MAP6: variants seen among roughly 807,000 people sequenced by gnomAD.
MAP6 encodes the protein microtubule-associated protein 6.
A neutral mutation model predicts 42.4 loss-of-function variants in MAP6; 26 were observed. The ratio of observed to expected loss-of-function variants is 0.61; its 90% CI spans 0.45 to 0.85. MAP6 has a LOEUF of 0.85. Ranked by LOEUF, MAP6 falls within the 40% of genes least tolerant of loss-of-function variation. MAP6 has a pLI of 0.00. For synonymous variants in MAP6, 418 were observed against 443.8 expected (o/e 0.94, Z 0.73); for missense variants, 966 against 1,099.0 (o/e 0.88, Z 1.71).
intron 1 of MAP6, among the ~76,000 whole-genome samples, chr11:75,623,092 T>C (rs1307093343): frequency 6.6e-6 from 1 of 152,100 alleles, no homozygotes. Context: ...AAGATGGAAA[T>C]AGCTTAAATG....
intron 3 of MAP6, chr11:75,597,378 A>G (rs1942598560): frequency 6.6e-6 from 1 of 152,346 alleles, no homozygotes; most frequent in Non-Finnish European, 1.5e-5. Context: ...AATGTTAAAT[A>G]CTTTTTCTAG....
intron 1 of MAP6, among the ~76,000 whole-genome samples, chr11:75,647,363 A>C: frequency 6.6e-6 from 1 of 150,602 alleles, no homozygotes; most frequent in African/African-American, 2.4e-5. Flanking sequence ...AAAAAAAAAA[A>C]AAAACCCACA....
chr11:75,588,043 A>T lies in MAP6; in HGVS notation c.1458T>A (p.Gly486=). The T allele has an allele frequency of 1.2e-6, 2 of 1,613,954 alleles. No individual in the cohort carries two copies. The highest frequency in any genetic ancestry group is 3.3e-5 in the Admixed American group (2 of 60,004). The change falls in exon 4 of 4, where the codon GGT becomes GGA. Residue 486 remains glycine, a synonymous_variant. Coordinates refer to ENST00000304771, the MANE Select transcript of MAP6 (RefSeq NM_033063.2). ...PMVQEPLKKQ[G]SVVPGPPKDL... ...CCTTTGGAGGCCCTGGGACCACAGA[A>T]CCTTGCTTCTTCAGAGGCTCTTGCA...
At chr11:75,662,658 T>C (rs1286436131) in intron 1 of MAP6, among the ~76,000 whole-genome samples, 1 of 152,238 alleles carries the variant, frequency 6.6e-6, no homozygotes, top group Non-Finnish European at 1.5e-5. Context: ...GATTCTTTTG[T>C]GTACTAAATT....
intron 3 of MAP6, chr11:75,604,416 T>A: frequency 1.0e-6 from 1 of 985,230 alleles, no homozygotes; most frequent in Non-Finnish European, 1.2e-6. Context: ...CCCCTTTCAT[T>A]GTAAAAGAAG....
intron 1 of MAP6, among the ~76,000 whole-genome samples, chr11:75,619,294 C>T (rs1395251531): frequency 1.3e-5 from 2 of 152,092 alleles, no homozygotes; most frequent in East Asian, 3.8e-4. Context: ...CCTGAATAAA[C>T]CTATATCAGG....
At chr11:75,642,596 G>C (rs1469112397) in intron 1 of MAP6, 2 of 176,214 alleles carry the variant, frequency 1.1e-5, no homozygotes, top group African/African-American at 4.6e-5. Flanking sequence ...ACAGAAGCAA[G>C]ACAATGAAGA....
Position 75,667,972 on chromosome 11 carries a change from G to A in MAP6, c.398C>T (p.Pro133Leu). The A allele has an allele frequency of 2.3e-6, 3 of 1,322,568 alleles. No individual in the cohort carries two copies. Among genetic ancestry groups the A allele is most frequent in the Non-Finnish European group, 2.9e-6 (3 of 1,030,848 alleles). 81.9% of individuals were successfully genotyped at this position (1,322,568 alleles called of 1,614,324 possible). The change falls in exon 1 of 4, where the codon CCC becomes CTC. Residue 133 changes from proline to leucine, a missense_variant. By Grantham distance (98) the Pro-to-Leu change is moderately conservative. This residue lies in a region of MAP6 where 943 missense variants were observed against 1,049.9 expected (regional missense o/e 0.90). Transcript: ENST00000304771. This position sits in a 1 kb window ranked among gnomAD's most constrained non-coding sequence, Gnocchi z 5.6. ...GCTGCGCGGCCGGCAGCTGGGCTCG[G>A]GCCGCTGCACCTTCCAGGCTCGGTA... ...QDYRAWKVQR[P>L]EPSCRPRSEY...
chr11:75,635,440 G>T (rs972120733), intron 1 of MAP6, among the ~76,000 whole-genome samples: 1 of 152,214 alleles, frequency 6.6e-6, no homozygotes, highest in African/African-American at 2.4e-5. Flanking sequence ...ACCAGGCCAG[G>T]CGGCGTCTCG....
intron 1 of MAP6, among the ~76,000 whole-genome samples, chr11:75,666,708 A>G (rs531969319): frequency 4.5e-4 from 69 of 152,366 alleles, no homozygotes; most frequent in African/African-American, 1.5e-3. Flanking sequence ...GCACTCAAAA[A>G]TATGTTGAAT....
At chr11:75,644,861 T>A (rs1262951078) in intron 1 of MAP6, among the ~76,000 whole-genome samples, 2 of 152,212 alleles carry the variant, frequency 1.3e-5, no homozygotes, top group East Asian at 3.9e-4. Context: ...TAAAATATAG[T>A]AAAATATAAT....
intron 1 of MAP6, among the ~76,000 whole-genome samples, chr11:75,623,749 G>A (rs1052654052): frequency 2.6e-5 from 4 of 152,204 alleles, no homozygotes; most frequent in South Asian, 2.1e-4. Context: ...TCGCTCTGTC[G>A]CCCAGGCTGG....
chr11:75,633,816 G>C (rs747341355), intron 1 of MAP6, among the ~76,000 whole-genome samples: 1 of 152,236 alleles, frequency 6.6e-6, no homozygotes. Flanking sequence ...AGGAGTAGGA[G>C]AAGAGATCAG....
intron 3 of MAP6, chr11:75,594,706 C>G (rs1942547120): frequency 6.6e-6 from 1 of 152,156 alleles, no homozygotes; most frequent in South Asian, 2.1e-4. Flanking sequence ...TCTTTATTCA[C>G]TTTTAATTTT....
At chr11:75,639,623 T>G (rs1943429677) in intron 1 of MAP6, among the ~76,000 whole-genome samples, 1 of 152,244 alleles carries the variant, frequency 6.6e-6, no homozygotes, top group Non-Finnish European at 1.5e-5. Context: ...TAAACCCGAC[T>G]GAAAGGAACT....
In MAP6 at chr11:75,587,778, G is replaced by C; in HGVS notation, c.1723C>G (p.Pro575Ala). 6.2e-7 allele frequency: 1 copy of C among 1,613,468 alleles called. No homozygotes were observed. The highest frequency in any genetic ancestry group is 8.5e-7 in the Non-Finnish European group (1 of 1,179,500). The part of the protein sequence containing the change: ...RIPEPVKNQA[P>A]MVPAPVKDEG... ...TCCTTGACAGGTGCTGGGACCATAG[G>C]AGCTTGATTCTTCACAGGCTCAGGA... The change falls in exon 4 of 4, where the codon CCT becomes GCT. Residue 575 changes from proline (P) to alanine (A), a missense_variant. Coordinates refer to ENST00000304771, the MANE Select transcript of MAP6 (RefSeq NM_033063.2).
chr11:75,613,946 C>A (rs1942951846), intron 1 of MAP6, among the ~76,000 whole-genome samples: 1 of 152,206 alleles, frequency 6.6e-6, no homozygotes, highest in Non-Finnish European at 1.5e-5. Context: ...CATATAGTCA[C>A]ATTCACAGCA....
At chr11:75,651,516 C>T (rs1266957814) in intron 1 of MAP6, among the ~76,000 whole-genome samples, 2 of 151,952 alleles carry the variant, frequency 1.3e-5, no homozygotes, top group African/African-American at 4.8e-5. Flanking sequence ...ACCATTTATC[C>T]CTCGTCCATT....
chr11:75,647,313 T>TAA (rs1943569447), intron 1 of MAP6, among the ~76,000 whole-genome samples: 1 of 13,562 alleles, frequency 7.4e-5, no homozygotes, highest in Non-Finnish European at 1.7e-4. Flanking sequence ...TAAATAAAAA[T>TAA]AAGAATAGCT....
Sources: gnomAD v4.1 joint callset for allele counts (sites outside exome capture counted in the v4.1 genomes callset) on GRCh38, gnomAD v4.1.1 for gene constraint, gnomAD v4.1.1 regional missense constraint, Gnocchi (gnomAD v3.1) non-coding constraint, MANE v1.5 for transcripts, NCBI Gene and HGNC (gene_info 2026-07-23, HGNC 2026-07-21) for gene names.